ANAPC11: variants seen among roughly 807,000 people sequenced by gnomAD.
ANAPC11 encodes the protein anaphase promoting complex subunit 11.
Under a neutral mutation model 11.8 loss-of-function variants are expected in ANAPC11, and 5 were observed. The observed-to-expected ratio is 0.42, with a 90% confidence interval of 0.22 to 0.89. The LOEUF is 0.89. Among genes scored for constraint, ANAPC11 ranks in the 40% least tolerant of loss-of-function variants. ANAPC11 has a pLI of 0.28. For missense variants in ANAPC11, 68 were observed against 112.9 expected (o/e 0.60, Z 1.80); for synonymous variants, 45 against 41.0 (o/e 1.10, Z -0.38).
At chr17:81,899,323 C>G in intron 3 of ANAPC11, 2 of 1,613,640 alleles carry the variant, frequency 1.2e-6, no homozygotes, top group Non-Finnish European at 1.7e-6. Context: ...AGGGCCCATC[C>G]ACAGGTGCCC....
At position 81,900,105 on chromosome 17, in the gene ANAPC11, C is replaced by A. The variant is rs1295609532; in HGVS notation, c.*40C>A. 1.2e-6 allele frequency: 2 copies of A among 1,610,080 alleles called. No homozygotes were observed. Among genetic ancestry groups the A allele is most frequent in the Non-Finnish European group, 1.7e-6 (2 of 1,178,888 alleles). On this transcript the variant is annotated 3_prime_UTR_variant, in exon 4 of 4. Coordinates refer to ENST00000344877, the MANE Select transcript of ANAPC11 (RefSeq NM_001002248.3). ...CTCGCTGGAGGGGCATCCTGAGACT[C>A]CTTCCTCATGCTGGCGCCGATGGCT...
chr17:81,891,495 C>G, upstream of ANAPC11: 3 of 1,260,624 alleles, frequency 2.4e-6, no homozygotes, highest in South Asian at 1.7e-5. Context: ...CCCGCCCCGG[C>G]CGCCTCGCTG....
At chr17:81,899,049 G>A in intron 3 of ANAPC11, 1 of 630,288 alleles carries the variant, frequency 1.6e-6, no homozygotes, top group Non-Finnish European at 2.7e-6. Flanking sequence ...CGTGGGGCCG[G>A]CGCTGCCAGG....
chr17:81,894,784 C>A (rs2143540295), intron 3 of ANAPC11, 198 bp downstream of exon 3: 1 of 430,308 alleles, frequency 2.3e-6, no homozygotes, highest in East Asian at 3.6e-5. Flanking sequence ...ATGGCGCGAT[C>A]TCGGCTTGCC....
At chr17:81,891,700 G>C, upstream of ANAPC11, 2 of 976,578 alleles carry the variant, frequency 2.0e-6, no homozygotes, top group Non-Finnish European at 2.6e-6. Flanking sequence ...GCGCGCGCGG[G>C]ACGGGGTGAG....
At chr17:81,896,689 G>C (rs1316338308) in intron 3 of ANAPC11, among the ~76,000 whole-genome samples, 1 of 151,278 alleles carries the variant, frequency 6.6e-6, no homozygotes, top group Non-Finnish European at 1.5e-5. Flanking sequence ...CATATTGATT[G>C]ACAGGGTCTC....
At chr17:81,893,044 T>C (rs1371378765) in intron 1 of ANAPC11, 1 of 150,168 alleles carries the variant, frequency 6.7e-6, no homozygotes, top group Non-Finnish European at 1.5e-5. Flanking sequence ...AGTCCCACTA[T>C]GTTGCCCAGG....
At chr17:81,890,818 T>C (rs146289501), upstream of ANAPC11, 2 of 1,613,848 alleles carry the variant, frequency 1.2e-6, no homozygotes, top group Non-Finnish European at 1.7e-6. Flanking sequence ...GAAGTTGTTT[T>C]GGCTGAAAAA....
Position 81,900,023 on chromosome 17 carries a change from G to C in ANAPC11, c.213G>C (p.Gln71His), listed in dbSNP as rs756571746. Residue 71 changes from glutamine to histidine, a missense_variant, in exon 4 of 4, where the codon CAG (glutamine) becomes CAC (histidine). Transcript: ENST00000344877. ...GGCTGCACGCACAGCAGGTGCAGCA[G>C]CACTGCCCCATGTGCCGCCAGGAAT... The part of the protein sequence containing the change: ...LKWLHAQQVQ[Q>H]HCPMCRQEWK... The C allele has an allele frequency of 7.4e-6, 12 of 1,612,808 alleles. No individual in the cohort carries two copies. Among genetic ancestry groups the C allele is most frequent in the Non-Finnish European group, 1.0e-5 (12 of 1,179,904 alleles).
At chr17:81,891,918 C>T (rs1308171376) in intron 1 of ANAPC11, 77 bp downstream of exon 1, 2 of 179,690 alleles carry the variant, frequency 1.1e-5, no homozygotes, top group African/African-American at 4.8e-5. Context: ...CCTACGCGCC[C>T]CTCCCTCCCC....
At chr17:81,895,472 C>T (rs551125082) in intron 3 of ANAPC11, among the ~76,000 whole-genome samples, 24 of 152,306 alleles carry the variant, frequency 1.6e-4, no homozygotes, top group African/African-American at 5.5e-4. Context: ...CTGTGAAATA[C>T]GTGGGATTAA....
intron 3 of ANAPC11, among the ~76,000 whole-genome samples, chr17:81,895,123 C>T (rs1307271272): frequency 7.8e-5 from 11 of 140,316 alleles, no homozygotes; most frequent in South Asian, 6.6e-4. Flanking sequence ...GGCGCGATCT[C>T]GGCTCACTGC....
At chr17:81,892,524 A>ATTTTTTTTTTTTT (rs201667030) in intron 1 of ANAPC11, among the ~76,000 whole-genome samples, 2 of 128,530 alleles carry the variant, frequency 1.6e-5, no homozygotes, top group African/African-American at 6.0e-5. Context: ...CATTTCATTG[A>ATTTTTTTTTTTTT]TTTTTTTTTT....
chr17:81,895,819 T>G (rs867225173), intron 3 of ANAPC11, among the ~76,000 whole-genome samples: 1 of 151,876 alleles, frequency 6.6e-6, no homozygotes. Context: ...AATACAAAAA[T>G]TAGCTGGGTG....
chr17:81,890,970 C>T, upstream of ANAPC11: 3 of 1,231,820 alleles, frequency 2.4e-6, no homozygotes, highest in South Asian at 4.4e-5. Context: ...GCTGCAGCTG[C>T]CCCAGCCCGA....
At position 81,896,281 on chromosome 17, in the gene ANAPC11, G is replaced by T. The variant is rs2143553176; in HGVS notation, c.109+1695G>T. Among the ~76,000 whole-genome samples, 2 of 152,270 alleles carry T rather than the reference G, an allele frequency of 1.3e-5. 1 individual carries two copies. Among genetic ancestry groups the T allele is most frequent in the Middle Eastern group, 6.8e-3 (2 of 294 alleles). Reference sequence around the variant, plus strand: ...ACTAAAAATACAAAAAAGTAGCCGGGCATGGTGGTGCATGCCTGTAATCCC... The same window carrying T: ...ACTAAAAATACAAAAAAGTAGCCGGTCATGGTGGTGCATGCCTGTAATCCC... On this transcript the variant is annotated intron_variant, in intron 3 of 3. Coordinates refer to ENST00000344877, the MANE Select transcript of ANAPC11 (RefSeq NM_001002248.3).
intron 3 of ANAPC11, among the ~76,000 whole-genome samples, chr17:81,895,050 CTTTTTTTTT>C (rs766422017): frequency 1.2e-5 from 1 of 85,070 alleles, no homozygotes; most frequent in African/African-American, 5.1e-5. Flanking sequence ...TCTTTCTTTT[CTTTTTTTTT>C]TTTTTTTTTT....
intron 3 of ANAPC11, among the ~76,000 whole-genome samples, chr17:81,897,410 AG>A (rs1369635991): frequency 6.6e-6 from 1 of 152,186 alleles, no homozygotes; most frequent in Non-Finnish European, 1.5e-5. Flanking sequence ...CCAGGATTAC[AG>A]GTGTGAGCCA....
chr17:81,899,948 G>A lies in ANAPC11; in HGVS notation c.138G>A (p.Leu46=), dbSNP rs539064554. 1 of 1,611,148 alleles carries A rather than the reference G, an allele frequency of 6.2e-7. No individual in the cohort carries two copies. The highest frequency in any genetic ancestry group is 8.5e-7 in the Non-Finnish European group (1 of 1,178,358). The change falls in exon 4 of 4, where the codon CTG becomes CTA. Residue 46 remains leucine, a synonymous_variant. Coordinates refer to ENST00000344877, the MANE Select transcript of ANAPC11 (RefSeq NM_001002248.3). The stretch of plus-strand genomic sequence containing the variant: ...AGGTGCCCGGCGACGACTGCCCGCT[G>A]GTGTGGGGCCAGTGCTCCCACTGCT... ...DCKVPGDDCP[L]VWGQCSHCFH... is the part of the protein sequence containing the mutation.
Sources: gnomAD v4.1 joint callset for allele counts (sites outside exome capture counted in the v4.1 genomes callset) on GRCh38, gnomAD v4.1.1 for gene constraint, MANE v1.5 for transcripts, NCBI Gene and HGNC (gene_info 2026-07-23, HGNC 2026-07-21) for gene names.